Variants in SYTL2 observed in about 807,000 individuals in gnomAD.
SYTL2 encodes the protein synaptotagmin-like protein 2.
Under a neutral mutation model 198.7 loss-of-function variants are expected in SYTL2, and 165 were observed. The observed-to-expected ratio is 0.83, with a 90% CI of 0.73 to 0.94. The LOEUF (loss-of-function observed/expected upper bound fraction) is 0.94, where lower values mean the gene tolerates loss of function less well. Ranked by LOEUF, SYTL2 falls within the 40% of genes least tolerant of loss-of-function variation. The probability of loss-of-function intolerance (pLI) is 0.00; values close to 1 mark genes in which losing one functional copy is unlikely to be tolerated. For missense variants in SYTL2, 2,835 were observed against 2,582.8 expected, an observed-to-expected ratio of 1.10 and a Z score of -2.12; for synonymous variants, 966 against 917.7, an observed-to-expected ratio of 1.05 and a Z score of -0.95.
intron 1 of SYTL2, among the ~76,000 whole-genome samples, chr11:85,791,427 C>T (rs955199282): frequency 5.9e-5 from 9 of 152,124 alleles, no homozygotes; most frequent in Non-Finnish European, 1.2e-4. Context: ...TCAAAGACAC[C>T]AATTCAATAC....
rs1023628240 is a variant in SYTL2 at position 85,726,609 on chromosome 11, C to A, written c.2749G>T (p.Ala917Ser). The change falls in exon 8 of 20, where the codon GCA (alanine) becomes TCA (serine). Residue 917 changes from alanine to serine, a missense_variant. Around this residue, in one of 3 missense-constraint regions of SYTL2, gnomAD observed 2,645 missense variants for 2,381.7 expected, o/e 1.11. Coordinates refer to ENST00000359152, the MANE Select transcript of SYTL2 (RefSeq NM_206927.4). ...KNEPIKRSQV[A>S]DSLPSRRNIT... Reference sequence around the variant, plus strand: ...TTTCTTCTAGAAGGCAAACTGTCTGCCACTTGTGATCTTTTTATAGGCTCA... The same window carrying A: ...TTTCTTCTAGAAGGCAAACTGTCTGACACTTGTGATCTTTTTATAGGCTCA... 1.3e-6 allele frequency: 2 copies of A among 1,549,820 alleles called. No homozygotes were observed. The highest frequency in any genetic ancestry group is 2.7e-5 in the African/African-American group (2 of 73,470).
Position 85,725,481 on chromosome 11 carries a change from G to T in SYTL2, c.3877C>A (p.Leu1293Ile). The change falls in exon 8 of 20, where the codon CTA becomes ATA. Residue 1293 changes from leucine to isoleucine, a missense_variant. By Grantham distance (5) the Leu-to-Ile change is conservative. This residue lies in a region of SYTL2 where 2,645 missense variants were observed against 2,381.7 expected (regional missense o/e 1.11). Coordinates refer to ENST00000359152, the MANE Select transcript of SYTL2 (RefSeq NM_206927.4). ...LKKAESGECQ[L>I]STQNLIQMAA... Reference sequence around the variant, plus strand: ...ATCTGAATCAAATTCTGTGTGCTTAGCTGGCACTCACCACTTTCAGCTTTC... The same window carrying T: ...ATCTGAATCAAATTCTGTGTGCTTATCTGGCACTCACCACTTTCAGCTTTC... 1 of 1,614,040 alleles carries T rather than the reference G, an allele frequency of 6.2e-7. No individual in the cohort carries two copies. The highest frequency in any genetic ancestry group is 1.3e-5 in the African/African-American group (1 of 75,056).
chr11:85,841,437 A>G, the SYTL2 span, among the ~76,000 whole-genome samples: 1 of 152,250 alleles, frequency 6.6e-6, no homozygotes. Flanking sequence ...CATCAATGGT[A>G]GACTGGATAA....
intron 1 of SYTL2, among the ~76,000 whole-genome samples, chr11:85,802,198 T>A (rs1592080547): frequency 6.7e-6 from 1 of 148,654 alleles, no homozygotes; most frequent in Non-Finnish European, 1.5e-5. Context: ...CCCACCACAC[T>A]CTCTTTTCTT....
At chr11:85,797,288 AT>A (rs2153638794) in intron 1 of SYTL2, among the ~76,000 whole-genome samples, 1 of 152,358 alleles carries the variant, frequency 6.6e-6, no homozygotes, top group South Asian at 2.1e-4. Context: ...ATGTGAAAAC[AT>A]TTTGAAAACT....
intron 5 of SYTL2, among the ~76,000 whole-genome samples, chr11:85,736,998 G>A (rs1189965466): frequency 6.6e-6 from 1 of 152,146 alleles, no homozygotes; most frequent in East Asian, 1.9e-4. Context: ...GACTCTCAGT[G>A]TGCTAGATCA....
intron 1 of SYTL2, among the ~76,000 whole-genome samples, chr11:85,794,364 A>T (rs2092773158): frequency 6.6e-6 from 1 of 151,976 alleles, no homozygotes; most frequent in African/African-American, 2.4e-5. Context: ...TTTTTTTTCT[A>T]GAGACAGGTT....
intron 1 of SYTL2, among the ~76,000 whole-genome samples, chr11:85,779,728 CAGA>C (rs2092525943): frequency 1.3e-5 from 2 of 151,410 alleles, no homozygotes; most frequent in South Asian, 2.1e-4. Flanking sequence ...TCTTCAGTTT[CAGA>C]AGAAGAAAAA....
chr11:85,752,916 T>TCAAAAAA (rs1565984055), intron 2 of SYTL2, among the ~76,000 whole-genome samples: 2 of 33,912 alleles, frequency 5.9e-5, no homozygotes, highest in African/African-American at 1.2e-4. Flanking sequence ...ACTGCCTTCA[T>TCAAAAAA]TAAAAAAAAA....
chr11:85,780,614 T>C (rs1281655548), intron 1 of SYTL2, among the ~76,000 whole-genome samples: 1 of 152,230 alleles, frequency 6.6e-6, no homozygotes. Flanking sequence ...ACATGGAAGC[T>C]CCATGCCCCT....
At chr11:85,728,476 G>A (rs923910585) in intron 7 of SYTL2, among the ~76,000 whole-genome samples, 9 of 151,844 alleles carry the variant, frequency 5.9e-5, no homozygotes, top group South Asian at 2.1e-4. Context: ...TAGTAGAGAC[G>A]GGGTTTCACC....
At chr11:85,791,561 G>A (rs2092731227) in intron 1 of SYTL2, among the ~76,000 whole-genome samples, 2 of 152,186 alleles carry the variant, frequency 1.3e-5, no homozygotes, top group South Asian at 4.1e-4. Flanking sequence ...CTGTTCTAAA[G>A]GTCAACCAGT....
chr11:85,725,079 C>G lies in SYTL2; in HGVS notation c.4279G>C (p.Val1427Leu). The change falls in exon 8 of 20, where the codon GTT becomes CTT. Residue 1427 changes from valine (V) to leucine (L), a missense_variant. Val to Leu is a conservative substitution (Grantham distance 32). Transcript: ENST00000359152. ...GAATAAAAATCCTTCCTGTCTGGAA[C>G]TATGGTGTCCATCGTAGCCCATGGT... Reference protein sequence around the residue: ...ISPWATMDTIVPDRKDFYSSN... With the variant: ...ISPWATMDTILPDRKDFYSSN... The G allele has an allele frequency of 6.2e-7, 1 of 1,614,176 alleles. No individual in the cohort carries two copies.
At chr11:85,735,531 T>C (rs1346670455) in intron 6 of SYTL2, among the ~76,000 whole-genome samples, 2 of 152,074 alleles carry the variant, frequency 1.3e-5, no homozygotes, top group Non-Finnish European at 2.9e-5. Context: ...CCGAGGTGGG[T>C]GGATCACTTG....
At chr11:85,701,752 T>G (rs2084331352) in intron 16 of SYTL2, among the ~76,000 whole-genome samples, 1 of 152,234 alleles carries the variant, frequency 6.6e-6, no homozygotes, top group African/African-American at 2.4e-5. Flanking sequence ...TATTTATCAC[T>G]TCCTACTATG....
chr11:85,802,072 C>T (rs1256179452), intron 1 of SYTL2, among the ~76,000 whole-genome samples: 1 of 152,008 alleles, frequency 6.6e-6, no homozygotes, highest in Non-Finnish European at 1.5e-5. Context: ...CCTCAGGCTC[C>T]CAAAGTGCTG....
At chr11:85,853,241 A>T in the SYTL2 span, 1 of 427,896 alleles carries the variant, frequency 2.3e-6, no homozygotes, top group African/African-American at 2.1e-5. Flanking sequence ...TGGGGAAAAG[A>T]TAGAGAAATC....
intron 1 of SYTL2, among the ~76,000 whole-genome samples, chr11:85,782,232 T>A (rs562683579): frequency 6.6e-6 from 1 of 152,362 alleles, no homozygotes; most frequent in Admixed American, 6.5e-5. Context: ...GCTTGGGGCT[T>A]ACAACCTCTG....
chr11:85,840,805 A>C, the SYTL2 span, among the ~76,000 whole-genome samples: 1 of 152,190 alleles, frequency 6.6e-6, no homozygotes, highest in Non-Finnish European at 1.5e-5. Context: ...ACATAGGCAC[A>C]GGCAATGATT....
Sources: gnomAD v4.1 joint callset for allele counts (sites outside exome capture counted in the v4.1 genomes callset) on GRCh38, gnomAD v4.1.1 for gene constraint, gnomAD v4.1.1 regional missense constraint, MANE v1.5 for transcripts, NCBI Gene and HGNC (gene_info 2026-07-23, HGNC 2026-07-21) for gene names.